Variants in AFAP1 observed in about 807,000 individuals in gnomAD.
AFAP1 encodes actin filament associated protein 1.
AFAP1 carries 75 observed loss-of-function variants against 93.9 expected under a neutral mutation model. The ratio of observed to expected loss-of-function variants is 0.80; its 90% CI spans 0.66 to 0.97. The LOEUF (loss-of-function observed/expected upper bound fraction) is 0.97, where lower values mean the gene tolerates loss of function less well. AFAP1 is among the 50% of genes least tolerant of loss of function. AFAP1 has a pLI of 0.00. For synonymous variants in AFAP1, 517 were observed against 430.7 expected, an observed-to-expected ratio of 1.20 and a Z score of -2.48; for missense variants, 1,201 against 1,050.8, an observed-to-expected ratio of 1.14 and a Z score of -1.98.
intron 9 of AFAP1, 82 bp from the exon 10 acceptor site, chr4:7,800,735 C>T (rs1228106795): frequency 2.2e-6 from 3 of 1,357,766 alleles, no homozygotes; most frequent in South Asian, 2.4e-5. Context: ...ACTGAGGAGG[C>T]CCAGGGATGG....
chr4:7,805,213 C>T (rs748283653), intron 9 of AFAP1, among the ~76,000 whole-genome samples: 28 of 152,120 alleles, frequency 1.8e-4, no homozygotes, highest in Non-Finnish European at 3.5e-4. Flanking sequence ...GTCTACTTTT[C>T]GTGGAGGTGG....
chr4:7,843,186 C>A lies in AFAP1; in HGVS notation c.499G>T (p.Gly167Cys). 6.2e-7 allele frequency: 1 copy of A among 1,614,162 alleles called. No individual in the cohort carries two copies. The highest frequency in any genetic ancestry group is 1.1e-5 in the South Asian group (1 of 91,076). ...CAFLLRKKRF[G>C]QWTKLLCVIK... ...ACGCAGAGCAACTTGGTCCACTGGC[C>A]GAACCGCTTCTTCCGCAGCAGGAAG... is the stretch of plus-strand genomic sequence containing the variant. The change falls in exon 5 of 18, where the codon GGC becomes TGC. Residue 167 changes from glycine to cysteine, a missense_variant. Gly to Cys is a radical substitution (Grantham distance 159, BLOSUM62 -3). Coordinates refer to ENST00000420658, the MANE Select transcript of AFAP1 (RefSeq NM_001134647.2).
chr4:7,787,980 C>T (rs1317651244), intron 11 of AFAP1, among the ~76,000 whole-genome samples: 2 of 152,176 alleles, frequency 1.3e-5, no homozygotes, highest in African/African-American at 4.8e-5. Context: ...CGGCCCGTCC[C>T]GCAGCCCCAC....
chr4:7,900,924 CAA>C (rs1206173973), intron 1 of AFAP1, among the ~76,000 whole-genome samples: 1 of 152,200 alleles, frequency 6.6e-6, no homozygotes, highest in African/African-American at 2.4e-5. Flanking sequence ...GGGCCTCAGG[CAA>C]ATTCACTTCT....
intron 11 of AFAP1, among the ~76,000 whole-genome samples, chr4:7,789,371 C>G (rs1356716708): frequency 1.3e-5 from 2 of 152,280 alleles, no homozygotes; most frequent in African/African-American, 2.4e-5. Flanking sequence ...TGCCTCCCAT[C>G]TGTGAATCTC....
At chr4:7,779,368 C>T (rs992613370) in intron 13 of AFAP1, among the ~76,000 whole-genome samples, 4 of 152,156 alleles carry the variant, frequency 2.6e-5, no homozygotes, top group African/African-American at 9.7e-5. Flanking sequence ...CGACGGAGTC[C>T]GCAGAAGGAA....
chr4:7,914,407 T>C (rs1450402931), intron 1 of AFAP1, among the ~76,000 whole-genome samples: 1 of 152,190 alleles, frequency 6.6e-6, no homozygotes, highest in African/African-American at 2.4e-5. Flanking sequence ...GGTGTTTAAC[T>C]TTCTGTCCCT....
chr4:7,812,478 G>GA (rs1333175550), intron 8 of AFAP1, among the ~76,000 whole-genome samples: 3 of 152,062 alleles, frequency 2.0e-5, no homozygotes, highest in Non-Finnish European at 2.9e-5. Flanking sequence ...ATCCTGGGGC[G>GA]AAAAAATCCA....
chr4:7,799,167 G>C, intron 10 of AFAP1: 1 of 856,248 alleles, frequency 1.2e-6, no homozygotes, highest in Non-Finnish European at 1.4e-6. Context: ...GCACAGAGCT[G>C]AGACTGGAAC....
At chr4:7,881,473 C>G (rs539501478) in intron 1 of AFAP1, among the ~76,000 whole-genome samples, 27 of 152,312 alleles carry the variant, frequency 1.8e-4, no homozygotes, top group Admixed American at 7.2e-4. Flanking sequence ...CCCTCATCCT[C>G]CACTGCTCCT....
At chr4:7,767,571 C>T (rs1371984700) in intron 17 of AFAP1, among the ~76,000 whole-genome samples, 2 of 152,152 alleles carry the variant, frequency 1.3e-5, no homozygotes, top group Admixed American at 6.5e-5. Context: ...AGATGACAGC[C>T]AGCCATTCCT....
intron 1 of AFAP1, among the ~76,000 whole-genome samples, chr4:7,879,717 T>TG (rs1717734389): frequency 6.7e-6 from 1 of 149,242 alleles, no homozygotes; most frequent in South Asian, 2.1e-4. Flanking sequence ...TTTTTTTTTT[T>TG]GTGAGACAGG....
chr4:7,800,726 C>G, intron 9 of AFAP1, 73 bp from the exon 10 acceptor site: 2 of 1,445,636 alleles, frequency 1.4e-6, no homozygotes, highest in Non-Finnish European at 1.9e-6. Context: ...TAGGGTCACA[C>G]TGAGGAGGCC....
intron 5 of AFAP1, 35 bp downstream of exon 5, chr4:7,843,104 C>T (rs199528329): frequency 6.2e-7 from 1 of 1,605,766 alleles, no homozygotes; most frequent in African/African-American, 1.3e-5. Flanking sequence ...GTGCAGCAAT[C>T]TTACAAAAAA....
chr4:7,785,004 T>A (rs144898326), intron 12 of AFAP1, among the ~76,000 whole-genome samples: 1 of 152,322 alleles, frequency 6.6e-6, no homozygotes, highest in South Asian at 2.1e-4. Context: ...ATTTACTTTA[T>A]GTCTACCTTT....
At chr4:7,936,863 G>C (rs911542698) in intron 1 of AFAP1, among the ~76,000 whole-genome samples, 2 of 152,128 alleles carry the variant, frequency 1.3e-5, no homozygotes, top group Non-Finnish European at 2.9e-5. Context: ...TTACAGGCGT[G>C]AGCCACCACA....
chr4:7,853,864 C>T (rs1232286500), intron 4 of AFAP1, among the ~76,000 whole-genome samples: 6 of 152,138 alleles, frequency 3.9e-5, no homozygotes, highest in African/African-American at 2.4e-5. Flanking sequence ...AGCCACTGTG[C>T]GCCATCACTG....
chr4:7,824,202 T>C (rs1265682765), intron 6 of AFAP1, among the ~76,000 whole-genome samples: 2 of 152,226 alleles, frequency 1.3e-5, no homozygotes, highest in Non-Finnish European at 2.9e-5. Context: ...GTTCAATGTG[T>C]ATTTAAGAGA....
At position 7,793,839 on chromosome 4, in the gene AFAP1, G is replaced by GA. The variant is rs372212293; in HGVS notation, c.1267-14dup. The GA allele has an allele frequency of 1.1e-5, 17 of 1,512,290 alleles. No homozygotes were observed. Among genetic ancestry groups the GA allele is most frequent in the African/African-American group, 4.1e-5 (3 of 72,492 alleles). The allele number at this position is 1,512,290 out of a possible 1,614,324, so 93.7% of individuals were successfully genotyped here. A position where few individuals can be genotyped will look rare whatever the true frequency, so the allele number is the denominator to read the frequency against. On this transcript the variant is annotated splice_polypyrimidine_tract_variant and intron_variant, in intron 10 of 17. Transcript: ENST00000420658. ...CAGAAGAAGATGCCTGTTGAAGTGG[G>GA]AAAAAAGGTAGGCTGTATTTAACTA...
Sources: allele counts gnomAD v4.1 joint callset (sites outside exome capture counted in the v4.1 genomes callset), GRCh38; gene constraint gnomAD v4.1.1; transcripts MANE v1.5; gene names NCBI Gene and HGNC (gene_info 2026-07-23, HGNC 2026-07-21).